The following CACNA1B variants were observed in gnomAD, a reference collection of about 807,000 sequenced individuals.
CACNA1B encodes the protein voltage-dependent N-type calcium channel subunit alpha-1B.
CACNA1B carries 70 observed loss-of-function variants against 247.2 expected under a neutral mutation model. The ratio of observed to expected loss-of-function variants is 0.28; its 90% CI spans 0.23 to 0.35. The LOEUF is 0.35. CACNA1B is among the 10% of genes least tolerant of loss of function. CACNA1B has a pLI of 1.00. For missense variants in CACNA1B, 2,367 were observed against 3,197.4 expected (o/e 0.74, Z 6.26); for synonymous variants, 1,231 against 1,294.4 (o/e 0.95, Z 1.05).
chr9:137,980,729 G>C (rs766088379), intron 12 of CACNA1B, among the ~76,000 whole-genome samples: 12 of 152,080 alleles, frequency 7.9e-5, no homozygotes, highest in Non-Finnish European at 1.6e-4. Context: ...GTGTATCCTT[G>C]TTTAGCTCCC....
rs568020671 is a variant in CACNA1B, at chr9:137,975,646, G to A, written c.1544-261G>A. Among the ~76,000 whole-genome samples the A allele has an allele frequency of 7.5e-4, 114 of 152,330 alleles. 1 individual carries two copies. Among genetic ancestry groups the A allele is most frequent in the African/African-American group, 2.6e-3 (110 of 41,596 alleles). On this transcript the variant is annotated intron_variant, in intron 11 of 46. Coordinates refer to ENST00000371372, the MANE Select transcript of CACNA1B (RefSeq NM_000718.4). ...ACACCTGGGCTGATCTCGGGAGCTT[G>A]CCTCCTGCTGAGCCCGTCCTTCTCT...
intron 39 of CACNA1B, among the ~76,000 whole-genome samples, chr9:138,107,264 T>TTATTTATTTATA (rs1250218666): frequency 2.4e-5 from 2 of 81,726 alleles, no homozygotes; most frequent in Non-Finnish European, 5.4e-5. Context: ...ATTTATTTAT[T>TTATTTATTTATA]TATATAGGGT....
intron 18 of CACNA1B, among the ~76,000 whole-genome samples, chr9:138,022,687 C>G (rs1246705486): frequency 6.6e-6 from 1 of 152,088 alleles, no homozygotes; most frequent in Non-Finnish European, 1.5e-5. Context: ...AGCCGCCCAC[C>G]CACCTGCTTG....
At chr9:138,068,266 G>C (rs368355069) in intron 31 of CACNA1B, among the ~76,000 whole-genome samples, 1 of 152,198 alleles carries the variant, frequency 6.6e-6, no homozygotes, top group Non-Finnish European at 1.5e-5. Flanking sequence ...AGGGAGACCC[G>C]AGACGGCTTC....
Position 138,007,143 on chromosome 9 carries a change from C to T in CACNA1B, c.2092+259C>T, listed in dbSNP as rs539980508. Among the ~76,000 whole-genome samples the T allele has an allele frequency of 2.6e-5, 4 of 152,252 alleles. No homozygotes were observed. Among genetic ancestry groups the T allele is most frequent in the South Asian group, 2.1e-4 (1 of 4,824 alleles). Reference sequence around the variant, plus strand: ...GGGGGTGGGTGCGGCCAGCAGCAGGCCCAGGACAGACTCTGAGCAGCAGTC... The same window carrying T: ...GGGGGTGGGTGCGGCCAGCAGCAGGTCCAGGACAGACTCTGAGCAGCAGTC... On this transcript the variant is annotated intron_variant, in intron 16 of 46. Coordinates refer to ENST00000371372, the MANE Select transcript of CACNA1B (RefSeq NM_000718.4). This position sits in a 1 kb window ranked among gnomAD's most constrained non-coding sequence, Gnocchi z 4.1.
intron 6 of CACNA1B, among the ~76,000 whole-genome samples, chr9:137,945,355 G>A (rs2133325137): frequency 6.6e-6 from 1 of 152,288 alleles, no homozygotes; most frequent in South Asian, 2.1e-4. Context: ...ATTTTACCTG[G>A]GGTGGCCATC....
chr9:137,960,463 AAGG>A (rs1958006903), intron 10 of CACNA1B, among the ~76,000 whole-genome samples: 1 of 21,540 alleles, frequency 4.6e-5, no homozygotes, highest in South Asian at 1.7e-3. Context: ...GGCCTGAATG[AAGG>A]ACACCCAGGA....
intron 15 of CACNA1B, among the ~76,000 whole-genome samples, chr9:137,987,601 C>T (rs1228840028): frequency 6.6e-6 from 1 of 152,198 alleles, no homozygotes; most frequent in African/African-American, 2.4e-5. Context: ...AGGCCAGGGG[C>T]TTGGCTTGGC....
In CACNA1B at chr9:138,024,983, G is replaced by A; in HGVS notation, c.3097G>A (p.Gly1033Arg). The change falls in exon 20 of 47, where the codon GGG (glycine) becomes AGG (arginine). Residue 1033 changes from glycine to arginine, a missense_variant. Gly to Arg is a moderately radical substitution (Grantham distance 125, BLOSUM62 -2). Transcript: ENST00000371372. ...GCCACACTGTGACCTGGAGACCAGT[G>A]GGACTGTGACTGTGGGTCCCATGCA... ...REPHCDLETS[G>R]TVTVGPMHTL... The A allele has an allele frequency of 6.3e-7, 1 of 1,588,784 alleles. No individual in the cohort carries two copies. Among genetic ancestry groups the A allele is most frequent in the East Asian group, 2.3e-5 (1 of 43,442 alleles).
In CACNA1B at chr9:137,891,971, G is replaced by C. The variant is rs1218302251; in HGVS notation, c.530+9088G>C. On this transcript the variant is annotated intron_variant, in intron 3 of 46. Coordinates refer to ENST00000371372, the MANE Select transcript of CACNA1B (RefSeq NM_000718.4). This position sits in a 1 kb window ranked among gnomAD's most constrained non-coding sequence, Gnocchi z 4.3. ...ATGCCACCCTCCCTGTCTCCCCTGA[G>C]AGCACAGGAGCCTGGTGAAAAGGGC... The C allele has an allele frequency of 4.5e-6, 2 of 446,026 alleles. No individual in the cohort carries two copies. Among genetic ancestry groups the C allele is most frequent in the Non-Finnish European group, 9.1e-6 (2 of 220,818 alleles). The allele number at this position is 446,026 out of a possible 1,614,324, so 27.6% of individuals were successfully genotyped here.
At position 138,011,477 on chromosome 9, in the gene CACNA1B, C is replaced by T. The variant is rs927130797; in HGVS notation, c.2160+1400C>T. On this transcript the variant is annotated intron_variant, in intron 17 of 46. Coordinates refer to ENST00000371372, the MANE Select transcript of CACNA1B (RefSeq NM_000718.4). This position sits in a 1 kb window ranked among gnomAD's most constrained non-coding sequence, Gnocchi z 4.2. ...GCATTTTTCTGGGCTGACCAAGAGC[C>T]GCAAAGTTTATGACTCGACCATCCC... Among the ~76,000 whole-genome samples the T allele has an allele frequency of 9.2e-5, 14 of 152,154 alleles. No homozygotes were observed. Among genetic ancestry groups the T allele is most frequent in the African/African-American group, 3.4e-4 (14 of 41,424 alleles).
chr9:137,900,795 G>A (rs1957228586), intron 3 of CACNA1B, among the ~76,000 whole-genome samples: 1 of 141,794 alleles, frequency 7.1e-6, no homozygotes, highest in African/African-American at 2.7e-5. Context: ...TTGTGTCTGT[G>A]TGTGTACCGT....
chr9:137,952,432 G>T lies in CACNA1B; in HGVS notation c.1070+55G>T, dbSNP rs549740046. On this transcript the variant is annotated intron_variant, in intron 7 of 46. Coordinates refer to ENST00000371372, the MANE Select transcript of CACNA1B (RefSeq NM_000718.4). This position sits in a 1 kb window ranked among gnomAD's most constrained non-coding sequence, Gnocchi z 4.8. ...GCCCCTCTGTGTTCTCAGCTGAGGG[G>T]TCAACAGGGGCACGTGTGACACTTG... 1.2e-5 allele frequency: 17 copies of T among 1,418,814 alleles called. No homozygotes were observed. In the Middle Eastern group the frequency reaches 5.3e-4, roughly 44 times the overall value. 87.9% of individuals were successfully genotyped at this position (1,418,814 alleles called of 1,614,324 possible). A position where few individuals can be genotyped will look rare whatever the true frequency, so the allele number is the denominator to read the frequency against.
intron 36 of CACNA1B, among the ~76,000 whole-genome samples, chr9:138,078,625 G>A (rs1008131571): frequency 5.3e-5 from 8 of 152,266 alleles, no homozygotes; most frequent in Admixed American, 2.0e-4. Context: ...GGCAGGGCAG[G>A]CCCCAGAGGT....
At chr9:137,993,509 G>A (rs963850508) in intron 15 of CACNA1B, among the ~76,000 whole-genome samples, 2 of 152,016 alleles carry the variant, frequency 1.3e-5, no homozygotes, top group Non-Finnish European at 2.9e-5. Context: ...TGAAATGGGA[G>A]ATATTACTAC....
chr9:138,121,192 G>A lies in CACNA1B; in HGVS notation c.6490-277G>A, dbSNP rs966990406. Among the ~76,000 whole-genome samples, 1 of 152,060 alleles carries A rather than the reference G, an allele frequency of 6.6e-6. No homozygotes were observed. Among genetic ancestry groups the A allele is most frequent in the African/African-American group, 2.4e-5 (1 of 41,392 alleles). ...ACTTAACTCTCCTTCCCTGACTGTG[G>A]TCGTTGGGCTTTTGTTCTGTCCTTT... On this transcript the variant is annotated intron_variant, in intron 46 of 46. Coordinates refer to ENST00000371372, the MANE Select transcript of CACNA1B (RefSeq NM_000718.4). This position sits in a 1 kb window ranked among gnomAD's most constrained non-coding sequence, Gnocchi z 6.8.
Position 138,100,219 on chromosome 9 carries a change from A to T in CACNA1B, c.5223-2492A>T, listed in dbSNP as rs1019179673. 2.0e-5 allele frequency among the ~76,000 whole-genome samples: 3 copies of T among 152,208 alleles called. No individual in the cohort carries two copies. The highest frequency in any genetic ancestry group is 2.0e-4 in the Admixed American group (3 of 15,284). The stretch of plus-strand genomic sequence containing the variant: ...AGAGGGAGGCCAGGTGGCTTCTGTC[A>T]GGCTGGAGAGGAGAGTGCATTGCAG... On this transcript the variant is annotated intron_variant, in intron 37 of 46. Transcript: ENST00000371372. This position sits in a 1 kb window ranked among gnomAD's most constrained non-coding sequence, Gnocchi z 4.6.
intron 3 of CACNA1B, among the ~76,000 whole-genome samples, chr9:137,912,066 GA>G (rs1309087246): frequency 6.6e-6 from 1 of 152,124 alleles, no homozygotes. Flanking sequence ...GTGTTAAAGT[GA>G]AAAAAATAAT....
intron 42 of CACNA1B, among the ~76,000 whole-genome samples, chr9:138,117,292 G>GT (rs56726000): frequency 3.9e-5 from 6 of 151,926 alleles, no homozygotes; most frequent in African/African-American, 1.5e-4. Flanking sequence ...CTTGGGGGGG[G>GT]GGTCAGAGAA....
Sources: allele counts gnomAD v4.1 joint callset (sites outside exome capture counted in the v4.1 genomes callset), GRCh38; gene constraint gnomAD v4.1.1; non-coding constraint Gnocchi (gnomAD v3.1); transcripts MANE v1.5; gene names NCBI Gene and HGNC (gene_info 2026-07-23, HGNC 2026-07-21).